The following TOGARAM1 variants were observed in gnomAD, a reference collection of about 807,000 sequenced individuals.
The protein encoded by TOGARAM1 is TOG array regulator of axonemal microtubules 1, also known as TOG array regulator of axonemal microtubules protein 1.
Under a neutral mutation model 166.6 loss-of-function variants are expected in TOGARAM1, and 100 were observed. The ratio of observed to expected loss-of-function variants is 0.60; its 90% confidence interval spans 0.51 to 0.71. The LOEUF is 0.71. Ranked by LOEUF, TOGARAM1 falls within the 30% of genes least tolerant of loss-of-function variation. The probability of loss-of-function intolerance (pLI) is 0.00; values close to 1 mark genes in which losing one functional copy is unlikely to be tolerated. For missense variants in TOGARAM1, 2,029 were observed against 2,102.7 expected (o/e 0.96, Z 0.69); for synonymous variants, 758 against 763.8 (o/e 0.99, Z 0.13).
intron 3 of TOGARAM1, among the ~76,000 whole-genome samples, 172 bp from the exon 4 acceptor site, chr14:45,003,889 G>T (rs1214085933): frequency 7.3e-6 from 1 of 137,738 alleles, no homozygotes; most frequent in East Asian, 2.2e-4. Context: ...TGAATTAGAA[G>T]ATACAGAATA....
intron 18 of TOGARAM1, among the ~76,000 whole-genome samples, chr14:45,069,638 C>T (rs1049565919): frequency 2.6e-5 from 4 of 152,014 alleles, no homozygotes; most frequent in Admixed American, 1.3e-4. Flanking sequence ...ACTAGCCATC[C>T]GGGAAATGCA....
chr14:45,030,952 A>G (rs997412061), intron 10 of TOGARAM1, among the ~76,000 whole-genome samples: 1 of 152,194 alleles, frequency 6.6e-6, no homozygotes, highest in Admixed American at 6.5e-5. Flanking sequence ...TGAGATAATT[A>G]AATGCAGTAA....
At chr14:45,069,124 G>A (rs953691220) in intron 18 of TOGARAM1, among the ~76,000 whole-genome samples, 1 of 151,968 alleles carries the variant, frequency 6.6e-6, no homozygotes, top group Admixed American at 6.6e-5. Flanking sequence ...GCCCTTTGGG[G>A]TTGATCTGCC....
At chr14:45,024,186 C>A (rs1264453614) in intron 7 of TOGARAM1, among the ~76,000 whole-genome samples, 1 of 152,048 alleles carries the variant, frequency 6.6e-6, no homozygotes, top group Admixed American at 6.5e-5. Flanking sequence ...GACCTAGGTG[C>A]CCTTTCCTAG....
At chr14:44,985,977 A>G (rs991181640) in intron 1 of TOGARAM1, among the ~76,000 whole-genome samples, 2 of 152,232 alleles carry the variant, frequency 1.3e-5, no homozygotes, top group Non-Finnish European at 2.9e-5. Flanking sequence ...ATTAAGCATT[A>G]TAAGATTTAT....
chr14:44,992,095 A>C (rs1185834519), intron 1 of TOGARAM1, among the ~76,000 whole-genome samples: 1 of 149,528 alleles, frequency 6.7e-6, no homozygotes, highest in Non-Finnish European at 1.5e-5. Context: ...AAAAAAAAAA[A>C]AAAAAACCAA....
intron 1 of TOGARAM1, among the ~76,000 whole-genome samples, chr14:44,986,945 C>T (rs1338219261): frequency 6.8e-6 from 1 of 146,496 alleles, no homozygotes; most frequent in Non-Finnish European, 1.5e-5. Flanking sequence ...GGCGAGCTTG[C>T]AGTGAACCGA....
At chr14:45,006,315 A>G (rs1200180831) in intron 5 of TOGARAM1, 48 bp downstream of exon 5, 11 of 1,371,388 alleles carry the variant, frequency 8.0e-6, no homozygotes, top group Middle Eastern at 2.5e-4. Context: ...GCAATTTTCT[A>G]TAATATAGTT....
chr14:45,054,410 T>C (rs1882532238), intron 15 of TOGARAM1, 21 bp from the exon 16 acceptor site: 1 of 1,438,486 alleles, frequency 7.0e-7, no homozygotes, highest in East Asian at 2.3e-5. Flanking sequence ...TGTATTATAC[T>C]AATTTTATAT....
chr14:45,024,002 A>G (rs560164786), intron 7 of TOGARAM1, among the ~76,000 whole-genome samples: 2 of 152,282 alleles, frequency 1.3e-5, no homozygotes, highest in East Asian at 3.9e-4. Flanking sequence ...CGGCCCCACA[A>G]AGTGCTGGGA....
intron 7 of TOGARAM1, chr14:45,022,969 A>G (rs534607213): frequency 1.3e-5 from 2 of 152,086 alleles, no homozygotes; most frequent in Non-Finnish European, 2.9e-5. Flanking sequence ...GGCATGGAGG[A>G]CTAGGTAAGC....
intron 10 of TOGARAM1, among the ~76,000 whole-genome samples, chr14:45,030,383 A>G (rs1239565865): frequency 1.3e-5 from 2 of 152,170 alleles, no homozygotes; most frequent in African/African-American, 2.4e-5. Context: ...TGGTTTCTTC[A>G]TCTGTAATAT....
chr14:45,045,706 T>TACAC (rs1189366610), intron 13 of TOGARAM1, among the ~76,000 whole-genome samples: 3 of 117,146 alleles, frequency 2.6e-5, no homozygotes, highest in East Asian at 4.7e-4. Context: ...TATATATGTG[T>TACAC]ATATATATAC....
At chr14:44,999,034 A>G (rs149186288) in intron 2 of TOGARAM1, among the ~76,000 whole-genome samples, 3 of 152,342 alleles carry the variant, frequency 2.0e-5, no homozygotes, top group East Asian at 1.9e-4. Context: ...TGCGTATACT[A>G]CAAATACTGG....
chr14:45,055,674 G>T (rs957447450), intron 16 of TOGARAM1, among the ~76,000 whole-genome samples: 1 of 151,726 alleles, frequency 6.6e-6, no homozygotes, highest in Non-Finnish European at 1.5e-5. Context: ...CATGGTGGAG[G>T]GTGCCTGTAA....
chr14:45,050,204 C>A (rs756674897), intron 14 of TOGARAM1, among the ~76,000 whole-genome samples: 5 of 152,166 alleles, frequency 3.3e-5, no homozygotes, highest in African/African-American at 4.8e-5. Flanking sequence ...TCTGACATCA[C>A]TTCTCTTCCT....
rs1486568080 is a variant in TOGARAM1, at chr14:45,066,694, G to A, written c.4676G>A (p.Arg1559His). 59 of 1,613,684 alleles carry A rather than the reference G, an allele frequency of 3.7e-5. No individual in the cohort carries two copies. The highest frequency in any genetic ancestry group is 4.6e-5 in the Non-Finnish European group (54 of 1,179,776). Reference sequence around the variant, plus strand: ...TTAAATGCAAAAGACTTTCGTGATCGTATTAATGGGATTAAGCAGCTTTTA... The same window carrying A: ...TTAAATGCAAAAGACTTTCGTGATCATATTAATGGGATTAAGCAGCTTTTA... ...GLLNAKDFRD[R>H]INGIKQLLSD... The change falls in exon 17 of 20, where the codon CGT (arginine) becomes CAT (histidine). Residue 1559 changes from arginine to histidine, a missense_variant. By Grantham distance (29) the Arg-to-His change is conservative (BLOSUM62 0). Coordinates refer to ENST00000361462, the MANE Select transcript of TOGARAM1 (RefSeq NM_001308120.2).
chr14:45,036,130 TA>T (rs770145117), intron 11 of TOGARAM1, among the ~76,000 whole-genome samples: 676 of 29,180 alleles, frequency 0.023, no homozygotes, highest in Non-Finnish European at 0.047. Context: ...ACCTTGTCTC[TA>T]AAAAAAAAAA....
chr14:45,049,420 C>T (rs912652839), intron 14 of TOGARAM1, among the ~76,000 whole-genome samples: 6 of 152,002 alleles, frequency 3.9e-5, no homozygotes, highest in Non-Finnish European at 7.4e-5. Context: ...CCACCACACC[C>T]GGCTAATTTT....
Sources: gnomAD v4.1 joint callset for allele counts (sites outside exome capture counted in the v4.1 genomes callset) on GRCh38, gnomAD v4.1.1 for gene constraint, MANE v1.5 for transcripts, NCBI Gene and HGNC (gene_info 2026-07-23, HGNC 2026-07-21) for gene names.